The following NEDD9 variants were observed in gnomAD, a reference collection of about 807,000 sequenced individuals.
NEDD9 encodes the protein enhancer of filamentation 1.
In NEDD9, 26 loss-of-function variants were observed where a neutral mutation model predicts 76.6. That is an observed-to-expected ratio of 0.34 (90% CI 0.25 to 0.47). NEDD9 has a LOEUF of 0.47. Among genes scored for constraint, NEDD9 ranks in the 20% least tolerant of loss-of-function variants. The pLI, the probability that NEDD9 is intolerant of heterozygous loss-of-function variation, is 1.00. For synonymous variants in NEDD9, 392 were observed against 414.2 expected (o/e 0.95, Z 0.65); for missense variants, 937 against 1,058.5 (o/e 0.89, Z 1.59).
intron 2 of NEDD9, among the ~76,000 whole-genome samples, chr6:11,313,653 A>G (rs1402092971): frequency 6.6e-6 from 1 of 152,004 alleles, no homozygotes; most frequent in African/African-American, 2.4e-5. Flanking sequence ...GAGAATAGGA[A>G]AGGATCCTAT....
intron 2 of NEDD9, among the ~76,000 whole-genome samples, chr6:11,318,670 C>T (rs576587315): frequency 6.6e-6 from 1 of 151,412 alleles, no homozygotes; most frequent in South Asian, 2.1e-4. Context: ...TTTTCCCTGG[C>T]CATTTTGTCT....
intron 1 of NEDD9, among the ~76,000 whole-genome samples, chr6:11,231,335 T>C (rs1759463376): frequency 6.6e-6 from 1 of 152,230 alleles, no homozygotes; most frequent in South Asian, 2.1e-4. Context: ...ACATTTAGAC[T>C]TAAAGCTTTT....
rs541545806 is a variant in NEDD9, at chr6:11,340,581, C to T, written c.-213-6020G>A. On this transcript the variant is annotated intron_variant, in intron 1 of 3. Coordinates refer to the NEDD9 transcript ENST00000397378. ...AGTTGAAGTCACTTGCCTAAAGTCA[C>T]ACAGCCAATCAGACTTCAGATGATG... 3.3e-5 allele frequency among the ~76,000 whole-genome samples: 5 copies of T among 152,264 alleles called. 1 individual carries two copies. In the South Asian group the frequency reaches 1.0e-3, roughly 32 times the overall value.
At position 11,281,724 on chromosome 6, in the gene NEDD9, C is replaced by A. The variant is rs141303609; in HGVS notation, c.12+24268G>T. ...ATGTTTGAGCCAATGAGATAACCAA[C>A]CTCAGGATTACTCTTTTTTTATATA... is the stretch of plus-strand genomic sequence containing the variant. On this transcript the variant is annotated intron_variant, in intron 3 of 3. Transcript: ENST00000397378. Among the ~76,000 whole-genome samples, 34 of 152,150 alleles carry A rather than the reference C, an allele frequency of 2.2e-4. No homozygotes were observed. In the East Asian group the frequency reaches 6.4e-3, roughly 29 times the overall value.
chr6:11,195,499 A>T (rs1758270226), intron 2 of NEDD9, among the ~76,000 whole-genome samples: 1 of 152,062 alleles, frequency 6.6e-6, no homozygotes, highest in African/African-American at 2.4e-5. Context: ...AGAGAAATGA[A>T]GATCTCCCCT....
At chr6:11,270,814 G>A (rs1024693736) in intron 3 of NEDD9, among the ~76,000 whole-genome samples, 15 of 152,230 alleles carry the variant, frequency 9.9e-5, no homozygotes, top group African/African-American at 3.6e-4. Context: ...AGGCTCCAAA[G>A]AGGGAAGTCA....
chr6:11,301,629 T>A (rs546135978), intron 3 of NEDD9, among the ~76,000 whole-genome samples: 1 of 152,278 alleles, frequency 6.6e-6, no homozygotes, highest in South Asian at 2.1e-4. Context: ...AAAGCACTCC[T>A]CAGCAAATGT....
chr6:11,249,274 A>C (rs1581982551), intron 3 of NEDD9: 2 of 433,190 alleles, frequency 4.6e-6, no homozygotes, highest in East Asian at 1.4e-4. Context: ...GAGTAACAGA[A>C]AAACCCTAGA....
intron 4 of NEDD9, 91 bp from the exon 5 acceptor site, chr6:11,191,296 T>A: frequency 7.2e-7 from 1 of 1,398,160 alleles, no homozygotes; most frequent in Non-Finnish European, 9.5e-7. Context: ...TGCTGGCACT[T>A]TTTCGGTCGC....
chr6:11,352,142 T>G (rs1762483413), intron 1 of NEDD9: 1 of 152,280 alleles, frequency 6.6e-6, no homozygotes. Context: ...TCTGAAGACT[T>G]TCTGAGCCTA....
intron 1 of NEDD9, among the ~76,000 whole-genome samples, chr6:11,225,255 A>G (rs1008468384): frequency 6.6e-6 from 1 of 152,216 alleles, no homozygotes; most frequent in African/African-American, 2.4e-5. Context: ...ATAACATTTC[A>G]TGTGAGGGAC....
chr6:11,231,564 T>C (rs895119602), intron 1 of NEDD9, among the ~76,000 whole-genome samples: 3 of 152,206 alleles, frequency 2.0e-5, no homozygotes, highest in East Asian at 1.9e-4. Flanking sequence ...AACACTTTTG[T>C]TTAAAATAGC....
intron 5 of NEDD9, 77 bp downstream of exon 5, chr6:11,189,887 G>A (rs954174957): frequency 7.5e-6 from 11 of 1,467,738 alleles, no homozygotes; most frequent in East Asian, 2.3e-5. Flanking sequence ...AGTCCAACCC[G>A]ACATCCTTAT....
Position 11,184,610 on chromosome 6 carries a change from T to A in NEDD9, c.*552A>T, listed in dbSNP as rs1161831531. 1 of 153,418 alleles carries A rather than the reference T, an allele frequency of 6.5e-6. No individual in the cohort carries two copies. Among genetic ancestry groups the A allele is most frequent in the African/African-American group, 2.4e-5 (1 of 41,438 alleles). 9.5% of individuals were successfully genotyped at this position (153,418 alleles called of 1,614,324 possible). A position where few individuals can be genotyped will look rare whatever the true frequency, so the allele number is the denominator to read the frequency against. Reference sequence around the variant, plus strand: ...GCACTTGGCCATCATGTGTTTAAGATGGTCAGTTTTGAAAAGAGTTTTCCA... The same window carrying A: ...GCACTTGGCCATCATGTGTTTAAGAAGGTCAGTTTTGAAAAGAGTTTTCCA... On this transcript the variant is annotated 3_prime_UTR_variant, in exon 7 of 7. Transcript: ENST00000379446.
At chr6:11,376,013 A>G (rs1036558970) in intron 1 of NEDD9, among the ~76,000 whole-genome samples, 6 of 151,996 alleles carry the variant, frequency 3.9e-5, no homozygotes, top group African/African-American at 1.2e-4. Context: ...TTTAGTAGAG[A>G]CGGGCTTTCA....
At chr6:11,277,536 A>T (rs1760442863) in intron 3 of NEDD9, among the ~76,000 whole-genome samples, 1 of 152,190 alleles carries the variant, frequency 6.6e-6, no homozygotes, top group Non-Finnish European at 1.5e-5. Context: ...GGTGGAAAAG[A>T]GACAGAGGCC....
Position 11,319,692 on chromosome 6 carries a change from T to A in NEDD9, c.-152-13537A>T, listed in dbSNP as rs115057028. On this transcript the variant is annotated intron_variant, in intron 2 of 3. Transcript: ENST00000397378. ...TGCACACATACACAAACATGGACAC[T>A]CACACAAACATGCACACACAAACAT... is the stretch of plus-strand genomic sequence containing the variant. Among the ~76,000 whole-genome samples, 16 of 50,276 alleles carry A rather than the reference T, an allele frequency of 3.2e-4. 1 individual carries two copies. In the East Asian group the frequency reaches 7.8e-3, roughly 24 times the overall value. 33.0% of individuals were successfully genotyped at this position (50,276 alleles called of 152,430 possible).
intron 3 of NEDD9, among the ~76,000 whole-genome samples, chr6:11,287,644 G>A (rs1010067222): frequency 6.6e-6 from 1 of 152,008 alleles, no homozygotes; most frequent in Non-Finnish European, 1.5e-5. Flanking sequence ...TCTCCTCTAC[G>A]TACTTTTCCT....
chr6:11,320,131 C>T (rs988049880), intron 2 of NEDD9, among the ~76,000 whole-genome samples: 2 of 152,224 alleles, frequency 1.3e-5, no homozygotes, highest in African/African-American at 4.8e-5. Flanking sequence ...CTTCTTCTTA[C>T]AGTGACCACG....
Sources: gnomAD v4.1 joint callset for allele counts (sites outside exome capture counted in the v4.1 genomes callset) on GRCh38, gnomAD v4.1.1 for gene constraint, MANE v1.5 for transcripts, NCBI Gene and HGNC (gene_info 2026-07-23, HGNC 2026-07-21) for gene names.